Variants in COL19A1 observed in about 807,000 individuals in gnomAD.
COL19A1 encodes collagen type XIX alpha 1 chain, also known as collagen alpha-1(XIX) chain.
Under a neutral mutation model 190.2 loss-of-function variants are expected in COL19A1, and 159 were observed. The observed-to-expected ratio is 0.84, with a 90% CI of 0.73 to 0.95. The LOEUF (loss-of-function observed/expected upper bound fraction) is 0.95. COL19A1 is among the 40% of genes least tolerant of loss of function. The pLI is 0.00. For synonymous variants in COL19A1, 509 were observed against 458.9 expected (o/e 1.11, Z -1.39); for missense variants, 1,418 against 1,431.9 (o/e 0.99, Z 0.16).
chr6:69,950,175 T>C (rs970598265), intron 9 of COL19A1, among the ~76,000 whole-genome samples: 2 of 151,880 alleles, frequency 1.3e-5, no homozygotes, highest in Admixed American at 6.6e-5. Flanking sequence ...AAGTCAAGAC[T>C]CTGAACAATG....
chr6:69,941,298 T>G (rs940846902), intron 9 of COL19A1, among the ~76,000 whole-genome samples: 2 of 152,176 alleles, frequency 1.3e-5, no homozygotes, highest in Non-Finnish European at 2.9e-5. Context: ...GAAGAAGGAA[T>G]ACAATACAAT....
intron 15 of COL19A1, among the ~76,000 whole-genome samples, chr6:70,101,053 C>T (rs1184265745): frequency 6.6e-6 from 1 of 152,154 alleles, no homozygotes; most frequent in Non-Finnish European, 1.5e-5. Context: ...CTGACATTTT[C>T]AGAGCAAGAA....
rs1265188261 is a variant in COL19A1, at chr6:70,149,186, C to CATCG, written c.1894-517_1894-514dup. On this transcript the variant is annotated intron_variant, in intron 27 of 50. Coordinates refer to ENST00000620364, the MANE Select transcript of COL19A1 (RefSeq NM_001858.6). Reference sequence around the variant, plus strand: ...GGTTACCTAAGAGCGGTACAACTACCATCGTTAAGTTCCCTGATAATCTCC... The same window carrying CATCG: ...GGTTACCTAAGAGCGGTACAACTACCATCGATCGTTAAGTTCCCTGATAATCTCC... 5.3e-5 allele frequency among the ~76,000 whole-genome samples: 8 copies of CATCG among 152,150 alleles called. No individual in the cohort carries two copies. The East Asian group carries it at 1.5e-3, about 29-fold the overall frequency.
chr6:70,125,264 T>C (rs1785125943), intron 17 of COL19A1, among the ~76,000 whole-genome samples: 1 of 152,210 alleles, frequency 6.6e-6, no homozygotes, highest in African/African-American at 2.4e-5. Context: ...TTGGCATTGA[T>C]TTATGTGATG....
chr6:70,161,957 A>G lies in COL19A1; in HGVS notation c.2346+4A>G. The G allele has an allele frequency of 1.3e-6, 2 of 1,595,448 alleles. No homozygotes were observed. Among genetic ancestry groups the G allele is most frequent in the Non-Finnish European group, 1.7e-6 (2 of 1,172,286 alleles). On this transcript the variant is annotated splice_donor_region_variant and intron_variant, in intron 35 of 50. Transcript: ENST00000620364. ...TCCAGGCCCGACTGGACCCCCTGTA[A>G]GTATTTGTTAAAACGATTGCACTCA...
At chr6:69,906,283 G>T (rs2149980927) in intron 4 of COL19A1, among the ~76,000 whole-genome samples, 1 of 152,264 alleles carries the variant, frequency 6.6e-6, no homozygotes, top group East Asian at 1.9e-4. Flanking sequence ...ACTGGCCGAT[G>T]AAGAAATTGA....
intron 14 of COL19A1, among the ~76,000 whole-genome samples, chr6:70,050,996 A>AT (rs34708291): frequency 0.018 from 2,755 of 152,192 alleles, 61 homozygotes; most frequent in South Asian, 0.049. Flanking sequence ...TTATTTAGTT[A>AT]TTTTAGCTTG....
chr6:70,092,403 G>A (rs747017047), intron 15 of COL19A1, among the ~76,000 whole-genome samples: 1 of 152,128 alleles, frequency 6.6e-6, no homozygotes, highest in Non-Finnish European at 1.5e-5. Context: ...CTTCCACCAT[G>A]AAGGCAAGCT....
intron 6 of COL19A1, among the ~76,000 whole-genome samples, chr6:69,931,372 T>G (rs547849578): frequency 9.6e-4 from 147 of 152,332 alleles, no homozygotes; most frequent in Non-Finnish European, 8.7e-4. Context: ...TAAACTATTC[T>G]GACTGTCATT....
intron 4 of COL19A1, among the ~76,000 whole-genome samples, chr6:69,914,645 A>G (rs1023907235): frequency 6.8e-6 from 1 of 146,396 alleles, no homozygotes; most frequent in Non-Finnish European, 1.5e-5. Context: ...TGGTCTTGTT[A>G]AACAAATAAA....
intron 16 of COL19A1, among the ~76,000 whole-genome samples, chr6:70,115,796 GT>G (rs71813716): frequency 1.1e-5 from 1 of 92,090 alleles, no homozygotes; most frequent in East Asian, 2.8e-4. Context: ...AGCAGTTGTT[GT>G]TTTTTTTGTT....
At chr6:69,983,729 T>G (rs1162637514) in intron 11 of COL19A1, among the ~76,000 whole-genome samples, 1 of 152,118 alleles carries the variant, frequency 6.6e-6, no homozygotes, top group Non-Finnish European at 1.5e-5. Flanking sequence ...TAATTTTCTT[T>G]CTATTCTGTT....
At position 70,075,897 on chromosome 6, in the gene COL19A1, A is replaced by G. The variant is rs1165920810; in HGVS notation, c.1224+7421A>G. On this transcript the variant is annotated intron_variant, in intron 15 of 50. Coordinates refer to ENST00000620364, the MANE Select transcript of COL19A1 (RefSeq NM_001858.6). ...TGAAGAGCTGAATGACATTATTTGTATTGTAACAAAATAACATAATAAGTT... is the reference window on the plus strand; with the variant it reads ...TGAAGAGCTGAATGACATTATTTGTGTTGTAACAAAATAACATAATAAGTT... Among the ~76,000 whole-genome samples the G allele has an allele frequency of 2.6e-5, 4 of 152,236 alleles. No individual in the cohort carries two copies. The East Asian group carries it at 7.7e-4, about 29-fold the overall frequency.
chr6:70,123,045 C>A (rs997917317), intron 17 of COL19A1, among the ~76,000 whole-genome samples: 3 of 152,006 alleles, frequency 2.0e-5, no homozygotes, highest in Non-Finnish European at 4.4e-5. Context: ...TCTTTAATTT[C>A]TCAACCTACT....
intron 11 of COL19A1, among the ~76,000 whole-genome samples, chr6:69,973,232 G>A (rs1410270447): frequency 1.3e-5 from 2 of 152,124 alleles, no homozygotes; most frequent in African/African-American, 4.8e-5. Flanking sequence ...CTCTGGAGCT[G>A]CCTCAGGTTT....
intron 14 of COL19A1, among the ~76,000 whole-genome samples, chr6:70,064,493 C>T (rs1157868065): frequency 6.6e-6 from 1 of 152,182 alleles, no homozygotes; most frequent in Non-Finnish European, 1.5e-5. Context: ...GACAAACCCA[C>T]AGCCAATATC....
chr6:70,120,458 G>A (rs1217560978), intron 16 of COL19A1, among the ~76,000 whole-genome samples: 3 of 152,110 alleles, frequency 2.0e-5, no homozygotes, highest in Non-Finnish European at 4.4e-5. Context: ...TAACTTGCAT[G>A]TTCTTGGCTA....
intron 34 of COL19A1, among the ~76,000 whole-genome samples, chr6:70,158,788 A>G (rs1208224995): frequency 6.6e-6 from 1 of 152,146 alleles, no homozygotes; most frequent in African/African-American, 2.4e-5. Context: ...GGGTAAGAAC[A>G]TAGCTCCAAT....
intron 14 of COL19A1, among the ~76,000 whole-genome samples, chr6:70,044,558 C>A (rs1779806685): frequency 6.6e-6 from 1 of 152,090 alleles, no homozygotes; most frequent in Non-Finnish European, 1.5e-5. Flanking sequence ...CACTTGAGGC[C>A]ATTGTATGGT....
Sources: allele counts gnomAD v4.1 joint callset (sites outside exome capture counted in the v4.1 genomes callset), GRCh38; gene constraint gnomAD v4.1.1; transcripts MANE v1.5; gene names NCBI Gene and HGNC (gene_info 2026-07-23, HGNC 2026-07-21).